C7: variants seen among roughly 807,000 people sequenced by gnomAD.
The protein encoded by C7 is complement component C7.
Under a neutral mutation model 104.8 loss-of-function variants are expected in C7, and 83 were observed. The observed-to-expected ratio is 0.79, with a 90% CI of 0.66 to 0.95. The LOEUF (loss-of-function observed/expected upper bound fraction) is 0.95. Among genes scored for constraint, C7 ranks in the 40% least tolerant of loss-of-function variants. The pLI, the probability that C7 is intolerant of heterozygous loss-of-function variation, is 0.00. For synonymous variants in C7, 415 were observed against 360.6 expected (o/e 1.15, Z -1.71); for missense variants, 1,070 against 1,011.2 (o/e 1.06, Z -0.79).
intron 1 of C7, among the ~76,000 whole-genome samples, chr5:40,922,848 T>G: frequency 6.6e-6 from 1 of 152,130 alleles, no homozygotes; most frequent in East Asian, 1.9e-4. Flanking sequence ...TAGACTTAAA[T>G]GTAAAATGTG....
intron 1 of C7, among the ~76,000 whole-genome samples, chr5:40,926,217 A>G (rs1419595924): frequency 6.6e-6 from 1 of 152,240 alleles, no homozygotes; most frequent in Non-Finnish European, 1.5e-5. Context: ...ACATTTCAAG[A>G]TAAAGACTCT....
chr5:40,964,868 G>T lies in C7; in HGVS notation c.1877G>T (p.Cys626Phe). ...CGGTGGCTTGTTGGGGAAATGCATT[G>T]TCAGAGTGAGTGGCGTCAGTTGTAT... ...DLRWLVGEMH[C>F]QKIACVLPVL... is the part of the protein sequence containing the mutation. Residue 626 changes from cysteine (C) to phenylalanine (F), a missense_variant, in exon 14 of 18, where the codon TGT becomes TTT. By Grantham distance (205) the Cys-to-Phe change is radical. Transcript: ENST00000313164. 6.2e-7 allele frequency: 1 copy of T among 1,613,636 alleles called. No individual in the cohort carries two copies. The highest frequency in any genetic ancestry group is 8.5e-7 in the Non-Finnish European group (1 of 1,179,732).
In C7 at chr5:40,982,734, G is replaced by A. The variant is rs1740977526; in HGVS notation, c.*1161G>A. 1 of 152,316 alleles carries A rather than the reference G, an allele frequency of 6.6e-6. No homozygotes were observed. Among genetic ancestry groups the A allele is most frequent in the Non-Finnish European group, 1.5e-5 (1 of 68,036 alleles). 9.4% of individuals were successfully genotyped at this position (152,316 alleles called of 1,614,324 possible). On this transcript the variant is annotated 3_prime_UTR_variant, in exon 18 of 18. Coordinates refer to ENST00000313164, the MANE Select transcript of C7 (RefSeq NM_000587.4). ...GAGTACACAGGTAGATTAGTTTGAA[G>A]CATTGACCTTTTATTTATTCCTTAT...
intron 1 of C7, among the ~76,000 whole-genome samples, chr5:40,915,340 C>T (rs184155442): frequency 1.0e-3 from 158 of 152,098 alleles, no homozygotes; most frequent in African/African-American, 3.7e-3. Context: ...TCAGGTGGCG[C>T]AATTTTGAAG....
At position 40,937,572 on chromosome 5, in the gene C7, A is replaced by G. The variant is rs1364694034; in HGVS notation, c.449A>G (p.Gln150Arg). ...AACAGTTACAATGAACTCACTGGCC[A>G]GTTTAGGAACAGAGTCATCAATACC... ...TGNGYNELTGQFRNRVINTKS... is the reference protein window; with the variant it reads ...TGNGYNELTGRFRNRVINTKS... Residue 150 changes from glutamine (Q) to arginine (R), a missense_variant, in exon 6 of 18, where the codon CAG becomes CGG. Transcript: ENST00000313164. 6.2e-7 allele frequency: 1 copy of G among 1,609,902 alleles called. No individual in the cohort carries two copies. Among genetic ancestry groups the G allele is most frequent in the African/African-American group, 1.3e-5 (1 of 74,692 alleles).
intron 13 of C7, among the ~76,000 whole-genome samples, chr5:40,964,032 T>G (rs1019494074): frequency 1.7e-4 from 21 of 126,252 alleles, no homozygotes; most frequent in African/African-American, 6.0e-4. Context: ...TTTTTTTTTT[T>G]TTTTTTTTTT....
chr5:40,972,800 G>T (rs113743936), intron 15 of C7, among the ~76,000 whole-genome samples: 5 of 152,310 alleles, frequency 3.3e-5, no homozygotes, highest in African/African-American at 1.2e-4. Context: ...GGCAAGGATA[G>T]CCTGGTGATT....
At chr5:40,980,503 A>G (rs1215334169) in intron 17 of C7, among the ~76,000 whole-genome samples, 1 of 152,236 alleles carries the variant, frequency 6.6e-6, no homozygotes. Context: ...TTACTTTCTC[A>G]CGTTGTGATT....
intron 1 of C7, among the ~76,000 whole-genome samples, chr5:40,910,460 C>T (rs1033265064): frequency 2.0e-5 from 3 of 152,054 alleles, no homozygotes; most frequent in African/African-American, 4.8e-5. Context: ...CAAGCTCGCT[C>T]ATTATTGGGG....
At chr5:40,934,972 C>T (rs1739782925) in intron 4 of C7, among the ~76,000 whole-genome samples, 1 of 152,142 alleles carries the variant, frequency 6.6e-6, no homozygotes. Flanking sequence ...AATGTAACAA[C>T]ATTTAGTAAA....
intron 1 of C7, among the ~76,000 whole-genome samples, chr5:40,911,711 C>A (rs1008475798): frequency 1.3e-5 from 2 of 150,708 alleles, no homozygotes; most frequent in South Asian, 4.2e-4. Flanking sequence ...TGACACAGAA[C>A]AAAAATACCA....
intron 9 of C7, among the ~76,000 whole-genome samples, chr5:40,954,256 A>G (rs1188108191): frequency 2.0e-5 from 3 of 152,174 alleles, no homozygotes; most frequent in Admixed American, 2.0e-4. Flanking sequence ...ACATATAGAC[A>G]AGAATGTTGT....
At chr5:40,947,229 A>C (rs564131300) in intron 7 of C7, among the ~76,000 whole-genome samples, 2 of 150,450 alleles carry the variant, frequency 1.3e-5, no homozygotes, top group East Asian at 4.0e-4. Context: ...CCACTTGAGT[A>C]GCTGGGATTA....
chr5:40,927,288 A>G (rs1739573398), intron 1 of C7, among the ~76,000 whole-genome samples: 1 of 152,140 alleles, frequency 6.6e-6, no homozygotes, highest in Non-Finnish European at 1.5e-5. Flanking sequence ...CCAGAAACTG[A>G]AAAATTAATT....
intron 10 of C7, among the ~76,000 whole-genome samples, chr5:40,956,826 A>C (rs1170355668): frequency 6.6e-6 from 1 of 152,254 alleles, no homozygotes; most frequent in Non-Finnish European, 1.5e-5. Flanking sequence ...CTTATCTTAA[A>C]GGACCATCTG....
At chr5:40,974,325 T>C (rs1022198743) in intron 15 of C7, among the ~76,000 whole-genome samples, 3 of 151,820 alleles carry the variant, frequency 2.0e-5, no homozygotes, top group Admixed American at 2.0e-4. Flanking sequence ...AACCAAGCTG[T>C]AAAGGCAACA....
At chr5:40,941,151 C>T (rs1203272064) in intron 6 of C7, among the ~76,000 whole-genome samples, 2 of 150,458 alleles carry the variant, frequency 1.3e-5, no homozygotes, top group East Asian at 2.0e-4. Flanking sequence ...GCAACCTCTG[C>T]CTCCTGTGTT....
At chr5:40,917,844 T>G (rs115278665) in intron 1 of C7, among the ~76,000 whole-genome samples, 2,660 of 152,208 alleles carry the variant, frequency 0.017, 84 homozygotes, top group African/African-American at 0.061. Context: ...AAATGTAAGC[T>G]AGAACTATTA....
intron 7 of C7, among the ~76,000 whole-genome samples, chr5:40,946,865 C>T (rs527854065): frequency 4.0e-5 from 6 of 151,824 alleles, no homozygotes; most frequent in Non-Finnish European, 7.4e-5. Flanking sequence ...CAAGACCAGC[C>T]TGGCCAACAT....
Sources: gnomAD v4.1 joint callset for allele counts (sites outside exome capture counted in the v4.1 genomes callset) on GRCh38, gnomAD v4.1.1 for gene constraint, MANE v1.5 for transcripts, NCBI Gene and HGNC (gene_info 2026-07-23, HGNC 2026-07-21) for gene names.